The following SVIL variants were observed in gnomAD, a reference collection of about 807,000 sequenced individuals.
SVIL encodes archvillin.
Under a neutral mutation model 240.4 loss-of-function variants are expected in SVIL, and 101 were observed. The observed-to-expected ratio is 0.42, with a 90% CI of 0.36 to 0.50. The LOEUF is 0.50. Ranked by LOEUF, SVIL falls within the 20% of genes least tolerant of loss-of-function variation. The pLI is 0.01. For synonymous variants in SVIL, 999 were observed against 1,100.0 expected (o/e 0.91, Z 1.82); for missense variants, 2,512 against 2,818.7 (o/e 0.89, Z 2.46).
chr10:29,592,125 G>T (rs1248129904), intron 1 of SVIL, among the ~76,000 whole-genome samples: 2 of 152,158 alleles, frequency 1.3e-5, no homozygotes, highest in Admixed American at 6.5e-5. Flanking sequence ...GGTGGTATAT[G>T]CCTATAATCC....
At chr10:29,654,043 A>G (rs1052506748) in intron 3 of SVIL, among the ~76,000 whole-genome samples, 1 of 152,046 alleles carries the variant, frequency 6.6e-6, no homozygotes, top group Non-Finnish European at 1.5e-5. Context: ...TTGAATTTCC[A>G]TATTAGTTTT....
chr10:29,687,009 A>G (rs1054356713), intron 1 of SVIL, among the ~76,000 whole-genome samples: 2 of 152,240 alleles, frequency 1.3e-5, no homozygotes, highest in South Asian at 4.1e-4. Context: ...ATAAAAGATT[A>G]AGCCTGGAGG....
intron 1 of SVIL, among the ~76,000 whole-genome samples, chr10:29,723,144 A>C (rs1256887578): frequency 6.6e-6 from 1 of 152,258 alleles, no homozygotes; most frequent in African/African-American, 2.4e-5. Flanking sequence ...CTGAGGCAGA[A>C]GGATTGGCTG....
rs759479240 is a variant in SVIL at position 29,486,043 on chromosome 10, CAATGTGGTTT to C, written c.4779+32_4779+41del. On this transcript the variant is annotated intron_variant, in intron 26 of 37. Transcript: ENST00000355867. ...TTGGGCAGCCTGTGCTGAGTGCTTT[CAATGTGGTTT>C]CTCACTGAAGGGCAGAGCCCACGGA... 0.012 allele frequency: 18,821 copies of C among 1,613,224 alleles called. 1,417 individuals carry two copies. In the East Asian group the frequency reaches 0.22, roughly 19 times the overall value.
rs1457099218 is a variant in SVIL at position 29,457,898 on chromosome 10, A to G, written c.*349T>C. 2.5e-5 allele frequency: 4 copies of G among 161,874 alleles called. No individual in the cohort carries two copies. The highest frequency in any genetic ancestry group is 3.9e-5 in the Non-Finnish European group (3 of 77,344). The allele number at this position is 161,874 out of a possible 1,614,324, so 10.0% of individuals were successfully genotyped here. On this transcript the variant is annotated 3_prime_UTR_variant, in exon 38 of 38. Transcript: ENST00000355867. ...ATTTTAGAATCCACAAACTATCAAA[A>G]TAACACTTTATAAAGAGAACTGCTT...
At chr10:29,576,213 C>T in intron 1 of SVIL, 3 of 715,302 alleles carry the variant, frequency 4.2e-6, no homozygotes, top group Non-Finnish European at 5.1e-6. Context: ...ACAATCAGGG[C>T]CTTTCCTTCA....
Position 29,473,651 on chromosome 10 carries a change from T to A in SVIL, c.5529+187A>T, listed in dbSNP as rs1182215197. On this transcript the variant is annotated intron_variant, in intron 30 of 37. Coordinates refer to ENST00000355867, the MANE Select transcript of SVIL (RefSeq NM_021738.3). ...TTCTCCAGGATCATCTTACAAAAAG[T>A]GGGAGGAGGAAAGAAATGGGAGGCA... is the stretch of plus-strand genomic sequence containing the variant. 4.5e-6 allele frequency: 3 copies of A among 665,208 alleles called. No individual in the cohort carries two copies. The South Asian group carries it at 6.1e-5, about 14-fold the overall frequency. 41.2% of individuals were successfully genotyped at this position (665,208 alleles called of 1,614,324 possible). A position where few individuals can be genotyped will look rare whatever the true frequency, so the allele number is the denominator to read the frequency against.
chr10:29,521,298 T>C (rs1950548981), intron 16 of SVIL, among the ~76,000 whole-genome samples: 4 of 151,702 alleles, frequency 2.6e-5, no homozygotes, highest in South Asian at 4.2e-4. Context: ...AGTATAGTCT[T>C]AGGCAGTTTG....
At chr10:29,473,522 T>G in intron 30 of SVIL, 1 of 361,614 alleles carries the variant, frequency 2.8e-6, no homozygotes, top group Non-Finnish European at 5.0e-6. Flanking sequence ...GGCATCTCTT[T>G]GTTTTACTTA....
intron 2 of SVIL, among the ~76,000 whole-genome samples, chr10:29,672,027 C>A (rs1348021861): frequency 1.3e-5 from 2 of 152,154 alleles, no homozygotes; most frequent in African/African-American, 4.8e-5. Flanking sequence ...TAGTCGCTGA[C>A]CCACTTAAGA....
At chr10:29,538,993 T>G (rs1951941623) in intron 6 of SVIL, among the ~76,000 whole-genome samples, 1 of 151,564 alleles carries the variant, frequency 6.6e-6, no homozygotes, top group Admixed American at 6.6e-5. Context: ...CAAGACTCTG[T>G]CTGTATTTAA....
intron 1 of SVIL, among the ~76,000 whole-genome samples, chr10:29,580,126 C>T (rs899999190): frequency 1.3e-5 from 2 of 151,406 alleles, no homozygotes; most frequent in Non-Finnish European, 2.9e-5. Flanking sequence ...GCCAGGAGTT[C>T]GAGAGCAGCC....
intron 1 of SVIL, among the ~76,000 whole-genome samples, chr10:29,710,574 T>C (rs1963207510): frequency 6.6e-6 from 1 of 152,204 alleles, no homozygotes; most frequent in South Asian, 2.1e-4. Context: ...TATTAATAAT[T>C]ATTGCAGAAT....
chr10:29,467,715 G>A, intron 33 of SVIL, 27 bp downstream of exon 33: 2 of 1,613,434 alleles, frequency 1.2e-6, no homozygotes, highest in Non-Finnish European at 1.7e-6. Flanking sequence ...AAAAAAACCA[G>A]ATCGCAGACT....
At chr10:29,656,374 T>C (rs1442489855) in intron 3 of SVIL, among the ~76,000 whole-genome samples, 1 of 151,824 alleles carries the variant, frequency 6.6e-6, no homozygotes, top group South Asian at 2.1e-4. Flanking sequence ...TCCCCACCCA[T>C]CACTCTATCT....
intron 1 of SVIL, among the ~76,000 whole-genome samples, chr10:29,570,918 C>A (rs553129357): frequency 6.6e-6 from 1 of 152,170 alleles, no homozygotes; most frequent in East Asian, 1.9e-4. Flanking sequence ...AGGCATTCAT[C>A]GTGTTATACA....
chr10:29,671,412 G>A (rs568728828), intron 2 of SVIL, among the ~76,000 whole-genome samples: 8 of 152,288 alleles, frequency 5.3e-5, no homozygotes, highest in South Asian at 2.1e-4. Context: ...GGAAAGATCC[G>A]TTCTTAAAAG....
At chr10:29,721,315 T>C (rs769413974) in intron 1 of SVIL, among the ~76,000 whole-genome samples, 6 of 151,810 alleles carry the variant, frequency 4.0e-5, no homozygotes, top group Admixed American at 2.0e-4. Flanking sequence ...GAATAAAGAA[T>C]AGACAAGATA....
intron 2 of SVIL, among the ~76,000 whole-genome samples, chr10:29,664,260 T>G (rs1959191271): frequency 6.6e-6 from 1 of 152,250 alleles, no homozygotes. Flanking sequence ...AAATGTATAT[T>G]CATAATTTTT....
Sources: gnomAD v4.1 joint callset for allele counts (sites outside exome capture counted in the v4.1 genomes callset) on GRCh38, gnomAD v4.1.1 for gene constraint, MANE v1.5 for transcripts, NCBI Gene and HGNC (gene_info 2026-07-23, HGNC 2026-07-21) for gene names.